The following RARS2 variants were observed in gnomAD, a reference collection of about 807,000 sequenced individuals.
RARS2 encodes the protein arginyl-tRNA synthetase 2, mitochondrial.
Under a neutral mutation model 88.5 loss-of-function variants are expected in RARS2, and 67 were observed. The ratio of observed to expected loss-of-function variants is 0.76; its 90% CI spans 0.62 to 0.93. The LOEUF is 0.93. Among genes scored for constraint, RARS2 ranks in the 40% least tolerant of loss-of-function variants. The pLI is 0.00. For synonymous variants in RARS2, 239 were observed against 230.3 expected, an observed-to-expected ratio of 1.04 and a Z score of -0.34; for missense variants, 664 against 684.2, an observed-to-expected ratio of 0.97 and a Z score of 0.33.
At chr6:87,520,775 A>AT (rs1773569261) in intron 12 of RARS2, among the ~76,000 whole-genome samples, 1 of 152,300 alleles carries the variant, frequency 6.6e-6, no homozygotes, top group East Asian at 1.9e-4. Context: ...GTATAATTCC[A>AT]TTTATACAAC....
At chr6:87,578,416 C>T (rs4132445) in intron 1 of RARS2, among the ~76,000 whole-genome samples, 3 of 152,004 alleles carry the variant, frequency 2.0e-5, no homozygotes, top group African/African-American at 4.8e-5. Flanking sequence ...TTAAAAAATT[C>T]TTTGCATCCT....
intron 14 of RARS2, 98 bp downstream of exon 14, chr6:87,519,485 A>C: frequency 7.4e-7 from 1 of 1,359,376 alleles, no homozygotes; most frequent in Non-Finnish European, 1.0e-6. Flanking sequence ...TGACACTTCA[A>C]TGGAGGGACA....
chr6:87,587,997 C>G (rs1775665084), intron 1 of RARS2, among the ~76,000 whole-genome samples: 2 of 152,176 alleles, frequency 1.3e-5, no homozygotes, highest in South Asian at 4.1e-4. Flanking sequence ...TGGTCTTGAA[C>G]GTCTCAGTTC....
chr6:87,585,732 A>AAAATAAATAAATAAATAAATAAAT (rs59852322), intron 1 of RARS2, among the ~76,000 whole-genome samples: 2 of 150,970 alleles, frequency 1.3e-5, no homozygotes, highest in African/African-American at 4.9e-5. Context: ...ACTCCATCTC[A>AAAATAAATAAATAAATAAATAAAT]AAATAAATAA....
At chr6:87,548,026 T>G (rs1057133599) in intron 6 of RARS2, among the ~76,000 whole-genome samples, 1 of 152,220 alleles carries the variant, frequency 6.6e-6, no homozygotes, top group African/African-American at 2.4e-5. Flanking sequence ...AAATTGTTAT[T>G]CGTGTTTTTT....
chr6:87,517,277 C>CA (rs145042242), intron 17 of RARS2, among the ~76,000 whole-genome samples: 1,563 of 149,806 alleles, frequency 0.01, 16 homozygotes, highest in African/African-American at 0.036. Context: ...GACTCCGTCT[C>CA]AAAAAAAAAG....
chr6:87,561,644 G>A (rs1787883861), intron 4 of RARS2, among the ~76,000 whole-genome samples: 1 of 152,156 alleles, frequency 6.6e-6, no homozygotes, highest in South Asian at 2.1e-4. Context: ...ACAAAGCAGA[G>A]GTACATTCAA....
chr6:87,557,923 C>T (rs559623157), intron 4 of RARS2, among the ~76,000 whole-genome samples: 1 of 152,322 alleles, frequency 6.6e-6, no homozygotes, highest in East Asian at 1.9e-4. Flanking sequence ...CACCTATAAT[C>T]CCAGCACTTT....
intron 2 of RARS2, among the ~76,000 whole-genome samples, chr6:87,565,311 G>T (rs1284151066): frequency 6.6e-6 from 1 of 151,852 alleles, no homozygotes; most frequent in African/African-American, 2.4e-5. Context: ...AGAAAAAGAA[G>T]AATATTCTTC....
chr6:87,537,459 T>C (rs1779544189), intron 8 of RARS2, among the ~76,000 whole-genome samples: 1 of 152,260 alleles, frequency 6.6e-6, no homozygotes, highest in Non-Finnish European at 1.5e-5. Context: ...AGTTAAATTC[T>C]GACAAATGGT....
rs1353798556 is a variant in RARS2 at position 87,564,213 on chromosome 6, G to A, written c.130C>T (p.Leu44Phe). Residue 44 changes from leucine (L) to phenylalanine (F), a missense_variant, in exon 3 of 20, where the codon CTT becomes TTT. By Grantham distance (22) the Leu-to-Phe change is conservative. Coordinates refer to ENST00000369536, the MANE Select transcript of RARS2 (RefSeq NM_020320.5). Reference sequence around the variant, plus strand: ...TTTTCCAATAAAGAATCCACAGAAAGCTGAAAATCAGCTACTTCTCTAAAG... The same window carrying A: ...TTTTCCAATAAAGAATCCACAGAAAACTGAAAATCAGCTACTTCTCTAAAG... ...SQKEEVADFQ[L>F]SVDSLLEKDN... 6.2e-7 allele frequency: 1 copy of A among 1,612,970 alleles called. No homozygotes were observed. The highest frequency in any genetic ancestry group is 8.5e-7 in the Non-Finnish European group (1 of 1,179,140).
intron 1 of RARS2, among the ~76,000 whole-genome samples, chr6:87,584,500 CATT>C (rs1392381500): frequency 3.3e-5 from 5 of 152,182 alleles, no homozygotes; most frequent in African/African-American, 1.2e-4. Context: ...TCTTCAACAT[CATT>C]ATTAATCCTT....
chr6:87,584,616 A>G (rs1288507273), intron 1 of RARS2: 2 of 387,684 alleles, frequency 5.2e-6, no homozygotes, highest in Non-Finnish European at 1.0e-5. Flanking sequence ...CCTTCCCACC[A>G]TTATTAAGTG....
chr6:87,583,101 G>C (rs1210858056), intron 1 of RARS2, among the ~76,000 whole-genome samples: 1 of 152,126 alleles, frequency 6.6e-6, no homozygotes, highest in Non-Finnish European at 1.5e-5. Context: ...TACATATTAA[G>C]AGGTAAAGGA....
rs561434647 is a variant in RARS2, at chr6:87,522,149, G to C, written c.975-625C>G. Among the ~76,000 whole-genome samples, 232 of 152,166 alleles carry C rather than the reference G, an allele frequency of 1.5e-3. 1 individual carries two copies. Among genetic ancestry groups the C allele is most frequent in the Middle Eastern group, 0.01 (3 of 294 alleles). ...GTTTGAGACCAGCCTGACCAACATG[G>C]TGAAACCCCGTCTCTACTAAAAATA... On this transcript the variant is annotated intron_variant, in intron 11 of 19. Coordinates refer to ENST00000369536, the MANE Select transcript of RARS2 (RefSeq NM_020320.5).
intron 4 of RARS2, among the ~76,000 whole-genome samples, chr6:87,555,859 A>G (rs1390727965): frequency 3.3e-5 from 5 of 152,240 alleles, no homozygotes; most frequent in Non-Finnish European, 7.3e-5. Flanking sequence ...CAGAAGCACC[A>G]TTTAACACTT....
intron 18 of RARS2, 35 bp downstream of exon 18, chr6:87,516,771 C>CA (rs1263757905): frequency 6.2e-7 from 1 of 1,610,044 alleles, no homozygotes; most frequent in East Asian, 2.2e-5. Context: ...TCTCAAATGC[C>CA]ATTAACACCT....
chr6:87,557,308 T>C (rs1786278063), intron 4 of RARS2, among the ~76,000 whole-genome samples: 3 of 152,222 alleles, frequency 2.0e-5, no homozygotes. Context: ...ATATAGACAG[T>C]ATACAGAATA....
chr6:87,583,457 CATAT>C (rs1774203011), intron 1 of RARS2, among the ~76,000 whole-genome samples: 1 of 151,962 alleles, frequency 6.6e-6, no homozygotes, highest in Non-Finnish European at 1.5e-5. Flanking sequence ...GGTGTGGTGG[CATAT>C]ACCTGTAATC....
Sources: allele counts gnomAD v4.1 joint callset (sites outside exome capture counted in the v4.1 genomes callset), GRCh38; gene constraint gnomAD v4.1.1; transcripts MANE v1.5; gene names NCBI Gene and HGNC (gene_info 2026-07-23, HGNC 2026-07-21).